CNTFR: variants seen among roughly 807,000 people sequenced by gnomAD.
CNTFR encodes the protein ciliary neurotrophic factor receptor, also known as ciliary neurotrophic factor receptor subunit alpha.
CNTFR carries 12 observed loss-of-function variants against 40.4 expected under a neutral mutation model. The observed-to-expected ratio is 0.30, with a 90% CI of 0.19 to 0.48. CNTFR has a LOEUF of 0.48. Among genes scored for constraint, CNTFR ranks in the 20% least tolerant of loss-of-function variants. The pLI, the probability that CNTFR is intolerant of heterozygous loss-of-function variation, is 0.99. For missense variants in CNTFR, 414 were observed against 506.8 expected (o/e 0.82, Z 1.76); for synonymous variants, 202 against 209.6 (o/e 0.96, Z 0.31).
intron 4 of CNTFR, among the ~76,000 whole-genome samples, chr9:34,561,026 G>A (rs1352577214): frequency 6.6e-6 from 1 of 152,178 alleles, no homozygotes; most frequent in Admixed American, 6.5e-5. Flanking sequence ...GGCCAGATCA[G>A]GCAGGGTGGG....
At chr9:34,581,294 C>T (rs1827274781) in intron 1 of CNTFR, 89 bp from the exon 2 acceptor site, 1 of 152,490 alleles carries the variant, frequency 6.6e-6, no homozygotes, top group African/African-American at 2.4e-5. Flanking sequence ...CACAGCCCCA[C>T]TGTGAGAAGG....
chr9:34,576,234 C>T (rs970819024), intron 2 of CNTFR, among the ~76,000 whole-genome samples: 1 of 152,224 alleles, frequency 6.6e-6, no homozygotes, highest in African/African-American at 2.4e-5. Flanking sequence ...CACATGGACA[C>T]CCACTCCCAC....
chr9:34,561,915 C>T (rs1421273364), intron 4 of CNTFR, among the ~76,000 whole-genome samples: 2 of 152,216 alleles, frequency 1.3e-5, no homozygotes, highest in Non-Finnish European at 2.9e-5. Flanking sequence ...TCATGGCCAG[C>T]CTTCATCTGG....
At chr9:34,571,925 G>T (rs1281554987) in intron 2 of CNTFR, among the ~76,000 whole-genome samples, 1 of 152,094 alleles carries the variant, frequency 6.6e-6, no homozygotes, top group East Asian at 1.9e-4. Flanking sequence ...GATGGGCAGA[G>T]ACTCAAGGGC....
intron 4 of CNTFR, among the ~76,000 whole-genome samples, chr9:34,560,022 C>T (rs1826006489): frequency 6.6e-6 from 1 of 152,226 alleles, no homozygotes; most frequent in African/African-American, 2.4e-5. Context: ...CTTTGTCTGT[C>T]ATCTGGCTAC....
chr9:34,565,082 C>T (rs72735284), intron 3 of CNTFR, among the ~76,000 whole-genome samples: 16,995 of 152,000 alleles, frequency 0.11, 1,033 homozygotes, highest in South Asian at 0.13. Context: ...TGTGAATGGG[C>T]GATCTTCTGT....
Position 34,552,185 on chromosome 9 carries a change from G to T in CNTFR, c.1094C>A (p.Ala365Asp). ...CCAGATCAAGAGACTGCTGGCAGTG[G>T]CGGCAGCGGCAGCCAGGGCCAGAGT... is the stretch of plus-strand genomic sequence containing the variant. ...PITLALAAAA[A>D]TASSLLI The change falls in exon 9 of 10, where the codon GCC becomes GAC. Residue 365 changes from alanine to aspartate, a missense_variant. Transcript: ENST00000378980. The surrounding 1 kb of genome is among the most constrained non-coding windows in gnomAD (Gnocchi z 5.1). 1 of 1,593,330 alleles carries T rather than the reference G, an allele frequency of 6.3e-7. No homozygotes were observed.
Position 34,564,778 on chromosome 9 carries a change from C to T in CNTFR, c.140G>A (p.Gly47Glu), listed in dbSNP as rs1826212126. The T allele has an allele frequency of 6.2e-7, 1 of 1,613,890 alleles. No individual in the cohort carries two copies. The highest frequency in any genetic ancestry group is 1.1e-5 in the South Asian group (1 of 91,074). The change falls in exon 4 of 10, where the codon GGG (glycine) becomes GAG (glutamate). Residue 47 changes from glycine (G) to glutamate (E), a missense_variant. By Grantham distance (98) the Gly-to-Glu change is moderately conservative. This residue lies in a region of CNTFR where 250 missense variants were observed against 269.5 expected (regional missense o/e 0.93). Transcript: ENST00000378980. ...CACCGCAGCATCCCAGTTTGCTGTC[C>T]CACATGGCAGTGTCACGTCAGAGCC... is the stretch of plus-strand genomic sequence containing the variant. ...RLGSDVTLPCGTANWDAAVTW... is the reference protein window; with the variant it reads ...RLGSDVTLPCETANWDAAVTW...
intron 3 of CNTFR, among the ~76,000 whole-genome samples, chr9:34,565,564 G>T (rs1564064460): frequency 6.6e-6 from 1 of 152,130 alleles, no homozygotes; most frequent in Non-Finnish European, 1.5e-5. Context: ...AGGGCAGGTT[G>T]GGGGCTTGGG....
At chr9:34,589,897 G>T (rs1340659951), upstream of CNTFR, among the ~76,000 whole-genome samples, 1 of 142,218 alleles carries the variant, frequency 7.0e-6, no homozygotes, top group Non-Finnish European at 1.5e-5. The surrounding 1 kb of genome is among the most constrained non-coding windows in gnomAD (Gnocchi z 4.4). Flanking sequence ...CGCGCGCCAC[G>T]ACCCCTCCCC....
intron 1 of CNTFR, among the ~76,000 whole-genome samples, chr9:34,587,712 C>T (rs999250062): frequency 6.6e-6 from 1 of 152,044 alleles, no homozygotes; most frequent in South Asian, 2.1e-4. Flanking sequence ...CTCGGAGTCC[C>T]AGAATATAAG....
Position 34,557,669 on chromosome 9 carries a change from C to T in CNTFR, c.461G>A (p.Cys154Tyr). 1.2e-6 allele frequency: 2 copies of T among 1,614,164 alleles called. No individual in the cohort carries two copies. The highest frequency in any genetic ancestry group is 1.7e-6 in the Non-Finnish European group (2 of 1,180,022). Reference protein sequence around the residue: ...TVLHGSKIMVCEKDPALKNRC... With the variant: ...TVLHGSKIMVYEKDPALKNRC... ...GTTCTTGAGGGCTGGGTCCTTCTCA[C>T]AGACCATAATTTTGGAGCCATGCCT... The change falls in exon 6 of 10, where the codon TGT (cysteine) becomes TAT (tyrosine). Residue 154 changes from cysteine (C) to tyrosine (Y), a missense_variant. Cys to Tyr is a radical substitution (Grantham distance 194, BLOSUM62 -2). Around this residue, in one of 3 missense-constraint regions of CNTFR, gnomAD observed 250 missense variants for 269.5 expected, o/e 0.93. Coordinates refer to ENST00000378980, the MANE Select transcript of CNTFR (RefSeq NM_147164.3). This position sits in a 1 kb window ranked among gnomAD's most constrained non-coding sequence, Gnocchi z 4.2.
chr9:34,579,213 G>C (rs1290968501), intron 2 of CNTFR, among the ~76,000 whole-genome samples: 1 of 152,072 alleles, frequency 6.6e-6, no homozygotes, highest in African/African-American at 2.4e-5. Context: ...CTCAAAAGGG[G>C]CTGGAACGGG....
chr9:34,575,423 C>T (rs1826902846), intron 2 of CNTFR, among the ~76,000 whole-genome samples: 1 of 152,150 alleles, frequency 6.6e-6, no homozygotes, highest in South Asian at 2.1e-4. Flanking sequence ...CTGAGACTTC[C>T]CTTAGCAGGG....
chr9:34,564,592 C>T lies in CNTFR; in HGVS notation c.319+7G>A, dbSNP rs1181111385. Reference sequence around the variant, plus strand: ...GAGGCTGGATGAGGGGTGGGGGCAACACTTACAGCCCACATGCAGCAGGAC... The same window carrying T: ...GAGGCTGGATGAGGGGTGGGGGCAATACTTACAGCCCACATGCAGCAGGAC... On this transcript the variant is annotated splice_region_variant and intron_variant, in intron 4 of 9. Coordinates refer to ENST00000378980, the MANE Select transcript of CNTFR (RefSeq NM_147164.3). The T allele has an allele frequency of 2.5e-6, 4 of 1,601,440 alleles. No homozygotes were observed. The highest frequency in any genetic ancestry group is 3.4e-6 in the Non-Finnish European group (4 of 1,173,628).
chr9:34,577,680 C>A (rs971481530), intron 2 of CNTFR, among the ~76,000 whole-genome samples: 4 of 152,154 alleles, frequency 2.6e-5, no homozygotes, highest in Admixed American at 2.0e-4. Context: ...GTGGTCCCCT[C>A]CCCCAGGCCA....
intron 4 of CNTFR, among the ~76,000 whole-genome samples, chr9:34,559,676 A>C (rs1392272119): frequency 6.6e-6 from 1 of 151,948 alleles, no homozygotes; most frequent in Non-Finnish European, 1.5e-5. Flanking sequence ...CTGTTGGCCA[A>C]GCCAGAGTTG....
In CNTFR at chr9:34,589,140, C is replaced by T. The variant is rs556365962; in HGVS notation, c.-112+415G>A. Among the ~76,000 whole-genome samples, 3 of 152,260 alleles carry T rather than the reference C, an allele frequency of 2.0e-5. No homozygotes were observed. The highest frequency in any genetic ancestry group is 2.0e-4 in the Admixed American group (3 of 15,302). On this transcript the variant is annotated intron_variant, in intron 1 of 9. Transcript: ENST00000378980. The surrounding 1 kb of genome is among the most constrained non-coding windows in gnomAD (Gnocchi z 4.4). ...ACGCGCAACCGTCGGTTCGCATCCC[C>T]GGGCGCTTTGAAGTCCAGATTTCTG...
At position 34,564,685 on chromosome 9, in the gene CNTFR, C is replaced by G. The variant is rs1172287395; in HGVS notation, c.233G>C (p.Gly78Ala). 1.2e-6 allele frequency: 2 copies of G among 1,613,982 alleles called. No homozygotes were observed. Among genetic ancestry groups the G allele is most frequent in the Non-Finnish European group, 1.7e-6 (2 of 1,179,952 alleles). The change falls in exon 4 of 10, where the codon GGC (glycine) becomes GCC (alanine). Residue 78 changes from glycine (G) to alanine (A), a missense_variant. Gly to Ala is a moderately conservative substitution (Grantham distance 60). Around this residue, in one of 3 missense-constraint regions of CNTFR, gnomAD observed 250 missense variants for 269.5 expected, o/e 0.93. Coordinates refer to ENST00000378980, the MANE Select transcript of CNTFR (RefSeq NM_147164.3). ...LLNGSQLVLH[G>A]LELGHSGLYA... ...GAGGCCACTGTGGCCCAGTTCCAGGCCATGGAGCACCAGCTGAGAGCCGTT... is the reference window on the plus strand; with the variant it reads ...GAGGCCACTGTGGCCCAGTTCCAGGGCATGGAGCACCAGCTGAGAGCCGTT...
Sources: allele counts gnomAD v4.1 joint callset (sites outside exome capture counted in the v4.1 genomes callset), GRCh38; gene constraint gnomAD v4.1.1; regional missense constraint gnomAD v4.1.1; non-coding constraint Gnocchi (gnomAD v3.1); transcripts MANE v1.5; gene names NCBI Gene and HGNC (gene_info 2026-07-23, HGNC 2026-07-21).